Variants in ANO3 observed in about 807,000 individuals in gnomAD.
The protein encoded by ANO3 is anoctamin 3.
In ANO3, 99 loss-of-function variants were observed where a neutral mutation model predicts 144.8. The ratio of observed to expected loss-of-function variants is 0.68; its 90% confidence interval spans 0.58 to 0.81. ANO3 has a LOEUF of 0.81. Among genes scored for constraint, ANO3 ranks in the 30% least tolerant of loss-of-function variants. The pLI, the probability that ANO3 is intolerant of heterozygous loss-of-function variation, is 0.00. For synonymous variants in ANO3, 414 were observed against 392.6 expected (o/e 1.05, Z -0.64); for missense variants, 905 against 1,202.2 (o/e 0.75, Z 3.66).
At position 26,245,018 on chromosome 11, in the gene ANO3, T is replaced by TGTGTGTGTGTGTGTGCGCGC. The variant is rs151031559; in HGVS notation, c.154+55691_154+55692insTGTGTGTGTGTGCGCGCGTG. 2.0e-3 allele frequency among the ~76,000 whole-genome samples: 296 copies of TGTGTGTGTGTGTGTGCGCGC among 145,422 alleles called. 1 individual carries two copies. The highest frequency in any genetic ancestry group is 2.8e-3 in the Non-Finnish European group (184 of 66,060). ...GTGTGTGTGTGTGTGTGTGTGTGTG[T>TGTGTGTGTGTGTGTGCGCGC]GTGCATGCATGCATTTGTCTTTCAT... On this transcript the variant is annotated intron_variant, in intron 1 of 27. Coordinates refer to the ANO3 transcript ENST00000672621.
At chr11:26,513,157 G>A (rs1420838850) in intron 5 of ANO3, among the ~76,000 whole-genome samples, 1 of 152,190 alleles carries the variant, frequency 6.6e-6, no homozygotes, top group Non-Finnish European at 1.5e-5. Flanking sequence ...GTGACACAAA[G>A]GGTAGTAGCA....
At chr11:26,256,824 A>G (rs1483591462) in intron 1 of ANO3, among the ~76,000 whole-genome samples, 1 of 152,134 alleles carries the variant, frequency 6.6e-6, no homozygotes, top group Non-Finnish European at 1.5e-5. Context: ...TTATTTAAAT[A>G]AATGGTTCAC....
rs116443196 is a variant in ANO3, at chr11:26,485,191, G to A, written c.432+22043G>A. Reference sequence around the variant, plus strand: ...GCAATGTGAGAAGGACATGGGATTTGGTAGGGGCCAGGGGCAGAATGATAT... The same window carrying A: ...GCAATGTGAGAAGGACATGGGATTTAGTAGGGGCCAGGGGCAGAATGATAT... On this transcript the variant is annotated intron_variant, in intron 4 of 26. Transcript: ENST00000256737. 4.6e-3 allele frequency among the ~76,000 whole-genome samples: 702 copies of A among 152,266 alleles called. 3 individuals carry two copies. The highest frequency in any genetic ancestry group is 0.016 in the African/African-American group (664 of 41,526).
Position 26,553,219 on chromosome 11 carries a change from G to GTTTTTTTTTT in ANO3, c.1290-26_1290-25insTTTTTTTTTT, listed in dbSNP as rs201093158. The GTTTTTTTTTT allele has an allele frequency of 2.1e-4, 254 of 1,198,492 alleles. 16 individuals carry two copies. Among genetic ancestry groups the GTTTTTTTTTT allele is most frequent in the South Asian group, 5.9e-4 (45 of 76,282 alleles). 74.2% of individuals were successfully genotyped at this position (1,198,492 alleles called of 1,614,324 possible). ...TAGTCACAGTTTCATGCTATGTTTT[G>GTTTTTTTTTT]TTTTGTTTTTGTTTTTGTTTTTTCT... On this transcript the variant is annotated intron_variant, in intron 12 of 26. Transcript: ENST00000256737.
chr11:26,206,927 A>G (rs1451270338), intron 1 of ANO3, among the ~76,000 whole-genome samples: 1 of 152,202 alleles, frequency 6.6e-6, no homozygotes, highest in African/African-American at 2.4e-5. Flanking sequence ...ACAGGGATTA[A>G]GGGTTTTTAA....
chr11:26,294,647 C>T (rs956932459), intron 1 of ANO3, among the ~76,000 whole-genome samples: 1 of 152,178 alleles, frequency 6.6e-6, no homozygotes, highest in Non-Finnish European at 1.5e-5. Context: ...AGATCGTGTT[C>T]TCTGACTCCA....
At chr11:26,580,307 A>G (rs990723361) in intron 14 of ANO3, among the ~76,000 whole-genome samples, 2 of 152,110 alleles carry the variant, frequency 1.3e-5, no homozygotes, top group Admixed American at 6.6e-5. Flanking sequence ...TTTCTCTAGC[A>G]TGGTTAATTC....
rs571550749 is a variant in ANO3 at position 26,337,512 on chromosome 11, T to C, written c.46+5191T>C. Among the ~76,000 whole-genome samples the C allele has an allele frequency of 4.6e-5, 7 of 152,316 alleles. No homozygotes were observed. The South Asian group carries it at 1.5e-3, about 32-fold the overall frequency. ...TGGGATTTACATTATATTCTGCACA[T>C]GGATGTTTCTGAAAGTAATATATTT... is the stretch of plus-strand genomic sequence containing the variant. On this transcript the variant is annotated intron_variant, in intron 1 of 26. Coordinates refer to ENST00000256737, the MANE Select transcript of ANO3 (RefSeq NM_031418.4).
At chr11:26,293,656 T>C (rs1854019128) in intron 1 of ANO3, among the ~76,000 whole-genome samples, 2 of 149,856 alleles carry the variant, frequency 1.3e-5, no homozygotes, top group Admixed American at 1.3e-4. Context: ...TGGAAATATA[T>C]GGAGACAGAA....
chr11:26,452,136 A>C (rs1858967978), intron 3 of ANO3, among the ~76,000 whole-genome samples: 1 of 152,190 alleles, frequency 6.6e-6, no homozygotes, highest in African/African-American at 2.4e-5. Flanking sequence ...ATGGGGAAAA[A>C]ACAGAGCAGA....
At chr11:26,419,222 A>G (rs1286976376) in intron 1 of ANO3, among the ~76,000 whole-genome samples, 2 of 152,116 alleles carry the variant, frequency 1.3e-5, no homozygotes, top group Admixed American at 6.6e-5. Context: ...GAACTCTATC[A>G]TGAGAACAGC....
chr11:26,231,286 G>T (rs4329640), intron 1 of ANO3, among the ~76,000 whole-genome samples: 48,802 of 152,062 alleles, frequency 0.32, 8,583 homozygotes, highest in Non-Finnish European at 0.38. Flanking sequence ...TCAGGACCAT[G>T]CTTCCTTTGG....
chr11:26,467,781 A>AT (rs1464620456), intron 4 of ANO3, among the ~76,000 whole-genome samples: 1 of 151,652 alleles, frequency 6.6e-6, no homozygotes. Context: ...ACTTTTCTTT[A>AT]AGACCAATTT....
At chr11:26,579,140 C>G (rs1851066097) in intron 14 of ANO3, among the ~76,000 whole-genome samples, 1 of 152,170 alleles carries the variant, frequency 6.6e-6, no homozygotes, top group Non-Finnish European at 1.5e-5. Flanking sequence ...TATAACTTAT[C>G]TTACCACTGC....
At chr11:26,365,028 T>C (rs567732928) in intron 1 of ANO3, among the ~76,000 whole-genome samples, 5 of 152,184 alleles carry the variant, frequency 3.3e-5, no homozygotes, top group Non-Finnish European at 2.9e-5. Context: ...GGTTATTTAC[T>C]TCCAAGATAC....
chr11:26,568,470 T>C (rs1033908852), intron 14 of ANO3, among the ~76,000 whole-genome samples: 8 of 63,062 alleles, frequency 1.3e-4, no homozygotes, highest in African/African-American at 2.5e-4. Flanking sequence ...CTTCCTACCA[T>C]AGTTTTTTTT....
chr11:26,549,122 G>A (rs1326914894), intron 12 of ANO3, among the ~76,000 whole-genome samples: 1 of 151,828 alleles, frequency 6.6e-6, no homozygotes, highest in Non-Finnish European at 1.5e-5. Flanking sequence ...AGGAATGAAG[G>A]GAATAGATTT....
chr11:26,659,275 C>A (rs1853802730), intron 26 of ANO3, among the ~76,000 whole-genome samples: 1 of 151,836 alleles, frequency 6.6e-6, no homozygotes, highest in Non-Finnish European at 1.5e-5. Flanking sequence ...GTTAAAACAG[C>A]TAATAAGCAT....
intron 1 of ANO3, among the ~76,000 whole-genome samples, chr11:26,203,558 T>C (rs934535332): frequency 3.3e-5 from 5 of 152,080 alleles, no homozygotes; most frequent in Admixed American, 1.3e-4. Flanking sequence ...GCTATAGTCA[T>C]TGATTTGGGG....
Sources: allele counts gnomAD v4.1 joint callset (sites outside exome capture counted in the v4.1 genomes callset), GRCh38; gene constraint gnomAD v4.1.1; transcripts MANE v1.5; gene names NCBI Gene and HGNC (gene_info 2026-07-23, HGNC 2026-07-21).